CTNNA2: variants seen among roughly 807,000 people sequenced by gnomAD.
The protein encoded by CTNNA2 is catenin alpha-2.
CTNNA2 carries 42 observed loss-of-function variants against 101.0 expected under a neutral mutation model. The ratio of observed to expected loss-of-function variants is 0.42; its 90% CI spans 0.32 to 0.54. CTNNA2 has a LOEUF of 0.54. CTNNA2 is among the 20% of genes least tolerant of loss of function. CTNNA2 has a pLI of 0.14. For synonymous variants in CTNNA2, 450 were observed against 456.4 expected, an observed-to-expected ratio of 0.99 and a Z score of 0.18; for missense variants, 871 against 1,223.1, an observed-to-expected ratio of 0.71 and a Z score of 4.29.
At chr2:79,758,519 T>C (rs1215832751) in intron 3 of CTNNA2, among the ~76,000 whole-genome samples, 2 of 152,186 alleles carry the variant, frequency 1.3e-5, no homozygotes, top group African/African-American at 4.8e-5. Context: ...GGTGCTGAGA[T>C]TTGGGATACA....
At chr2:79,257,531 A>T (rs185933598) in intron 2 of CTNNA2, among the ~76,000 whole-genome samples, 1 of 152,160 alleles carries the variant, frequency 6.6e-6, no homozygotes, top group East Asian at 1.9e-4. Flanking sequence ...GGAAAGTGGT[A>T]CTTAAATAAA....
rs554000592 is a variant in CTNNA2, at chr2:80,062,736, C to T, written c.1056+152939C>T. 1.3e-3 allele frequency among the ~76,000 whole-genome samples: 179 copies of T among 140,798 alleles called. 3 individuals carry two copies. The highest frequency in any genetic ancestry group is 4.5e-3 in the African/African-American group (170 of 38,174). 92.4% of individuals were successfully genotyped at this position (140,798 alleles called of 152,430 possible). A position where few individuals can be genotyped will look rare whatever the true frequency, so the allele number is the denominator to read the frequency against. ...TTTTTTTTTTTTTGAGATGGAGTCT[C>T]ACTCTGTCGCCCAGGCTGGAGTGCA... On this transcript the variant is annotated intron_variant, in intron 7 of 18. Transcript: ENST00000402739.
At chr2:79,238,308 ACATGGCTGTGATT>A (rs1347744280) in intron 2 of CTNNA2, among the ~76,000 whole-genome samples, 1 of 152,238 alleles carries the variant, frequency 6.6e-6, no homozygotes, top group East Asian at 1.9e-4. Flanking sequence ...TCACCATCTT[ACATGGCTGTGATT>A]CATGGCTGTG....
intron 4 of CTNNA2, among the ~76,000 whole-genome samples, chr2:79,474,484 G>T (rs1208419122): frequency 6.6e-6 from 1 of 152,078 alleles, no homozygotes; most frequent in Admixed American, 6.5e-5. Context: ...TGCTTGCTAG[G>T]AGTTAAAAAG....
intron 7 of CTNNA2, among the ~76,000 whole-genome samples, chr2:80,076,821 T>C (rs921123691): frequency 6.6e-6 from 1 of 151,962 alleles, no homozygotes; most frequent in Non-Finnish European, 1.5e-5. Context: ...CTTTAAAAAG[T>C]TAGAGACCCA....
At chr2:80,519,594 A>G (rs1484749477) in intron 9 of CTNNA2, among the ~76,000 whole-genome samples, 1 of 152,240 alleles carries the variant, frequency 6.6e-6, no homozygotes, top group Non-Finnish European at 1.5e-5. Context: ...ATAGAGAATA[A>G]TAGGTCAGAA....
intron 7 of CTNNA2, among the ~76,000 whole-genome samples, chr2:79,972,257 G>A (rs996929107): frequency 3.3e-5 from 5 of 152,036 alleles, no homozygotes; most frequent in Admixed American, 6.6e-5. Context: ...TTTATGCAGC[G>A]CTACAATAAG....
rs546245709 is a variant in CTNNA2, at chr2:79,838,888, T to C, written c.299-19125T>C. 2.6e-5 allele frequency among the ~76,000 whole-genome samples: 4 copies of C among 152,188 alleles called. No individual in the cohort carries two copies. The East Asian group carries it at 7.7e-4, about 29-fold the overall frequency. ...CAAGCCATAAAAACACTATTAGTCA[T>C]CTTTATTAGAAAATACTACTACAAC... is the stretch of plus-strand genomic sequence containing the variant. On this transcript the variant is annotated intron_variant, in intron 3 of 18. Coordinates refer to ENST00000402739, the MANE Select transcript of CTNNA2 (RefSeq NM_001282597.3).
rs774220135 is a variant in CTNNA2, at chr2:79,425,971, A to G, written c.-135+51958A>G. 8.8e-4 allele frequency among the ~76,000 whole-genome samples: 134 copies of G among 152,144 alleles called. 1 individual carries two copies. Among genetic ancestry groups the G allele is most frequent in the Non-Finnish European group, 2.6e-4 (18 of 68,014 alleles). Reference sequence around the variant, plus strand: ...CATGTTAGCACAGAAAACACTAATGAGTAGGCTTTTTGATTTTGTGGACCG... The same window carrying G: ...CATGTTAGCACAGAAAACACTAATGGGTAGGCTTTTTGATTTTGTGGACCG... On this transcript the variant is annotated intron_variant, in intron 4 of 21. Transcript: ENST00000466387.
chr2:80,049,789 G>A (rs923615106), intron 7 of CTNNA2, among the ~76,000 whole-genome samples: 2 of 152,184 alleles, frequency 1.3e-5, no homozygotes, highest in African/African-American at 4.8e-5. Flanking sequence ...TTTGTTTCTA[G>A]TGTGTTCCAG....
chr2:79,213,551 C>T (rs917951034), intron 2 of CTNNA2, among the ~76,000 whole-genome samples: 1 of 152,128 alleles, frequency 6.6e-6, no homozygotes, highest in Non-Finnish European at 1.5e-5. Context: ...CATAGCCTGC[C>T]TTTGCTGGTG....
intron 3 of CTNNA2, among the ~76,000 whole-genome samples, chr2:79,755,753 T>A (rs1208693083): frequency 6.6e-6 from 1 of 152,240 alleles, no homozygotes; most frequent in East Asian, 1.9e-4. Context: ...TACATCGTTA[T>A]CAACATCATT....
chr2:79,234,120 G>C (rs1273513657), intron 2 of CTNNA2, among the ~76,000 whole-genome samples: 1 of 151,488 alleles, frequency 6.6e-6, no homozygotes, highest in Non-Finnish European at 1.5e-5. Flanking sequence ...TGATGGTGTA[G>C]TTTCTTTTTA....
At chr2:79,911,852 A>G (rs1471139549) in intron 7 of CTNNA2, among the ~76,000 whole-genome samples, 1 of 152,162 alleles carries the variant, frequency 6.6e-6, no homozygotes, top group Non-Finnish European at 1.5e-5. Flanking sequence ...GTAGAATTGG[A>G]TGCAGCCAGA....
chr2:80,385,123 A>G lies in CTNNA2; in HGVS notation c.1057-8088A>G, dbSNP rs148350190. Among the ~76,000 whole-genome samples, 170 of 152,288 alleles carry G rather than the reference A, an allele frequency of 1.1e-3. 1 individual carries two copies. The highest frequency in any genetic ancestry group is 3.8e-3 in the African/African-American group (159 of 41,564). On this transcript the variant is annotated intron_variant, in intron 7 of 18. Transcript: ENST00000402739. ...TAATGACAAGCAAAACAATTATTTT[A>G]TAGGTTAATGTGTTTTATATACTAA...
chr2:80,603,288 C>T (rs1407753306), intron 15 of CTNNA2, among the ~76,000 whole-genome samples: 7 of 152,004 alleles, frequency 4.6e-5, no homozygotes, highest in Admixed American at 6.6e-5. Flanking sequence ...TTCCATTTCC[C>T]TTATAATAAA....
intron 9 of CTNNA2, among the ~76,000 whole-genome samples, chr2:80,499,577 C>T (rs1036646741): frequency 3.9e-5 from 6 of 151,926 alleles, no homozygotes; most frequent in Middle Eastern, 3.2e-3. Flanking sequence ...AATCCCAGCA[C>T]TTTGGGAGGC....
chr2:80,148,102 A>G (rs1703464843), intron 7 of CTNNA2, among the ~76,000 whole-genome samples: 1 of 151,972 alleles, frequency 6.6e-6, no homozygotes, highest in Admixed American at 6.6e-5. Flanking sequence ...ATAGGCTTTC[A>G]TTTTTTTCTC....
chr2:79,949,464 G>T (rs1688729215), intron 7 of CTNNA2, among the ~76,000 whole-genome samples: 1 of 152,064 alleles, frequency 6.6e-6, no homozygotes, highest in Non-Finnish European at 1.5e-5. Flanking sequence ...AGAAAACGGG[G>T]TTCATTTTAA....
Sources: gnomAD v4.1 joint callset for allele counts (sites outside exome capture counted in the v4.1 genomes callset) on GRCh38, gnomAD v4.1.1 for gene constraint, MANE v1.5 for transcripts, NCBI Gene and HGNC (gene_info 2026-07-23, HGNC 2026-07-21) for gene names.